Variants in NRP2 observed in about 807,000 individuals in gnomAD.
NRP2 encodes the protein neuropilin-2.
Under a neutral mutation model 110.4 loss-of-function variants are expected in NRP2, and 52 were observed. That is an observed-to-expected ratio of 0.47 (90% CI 0.38 to 0.59). The LOEUF is 0.59. NRP2 is among the 20% of genes least tolerant of loss of function. The pLI, the probability that NRP2 is intolerant of heterozygous loss-of-function variation, is 0.00. For synonymous variants in NRP2, 508 were observed against 468.9 expected (o/e 1.08, Z -1.08); for missense variants, 1,049 against 1,203.0 (o/e 0.87, Z 1.89).
chr2:205,768,592 T>C (rs560390072), intron 15 of NRP2: 1 of 152,374 alleles, frequency 6.6e-6, no homozygotes, highest in South Asian at 2.1e-4. Flanking sequence ...ACCATGAGGC[T>C]TCACAGGCCA....
chr2:205,728,288 G>A (rs1044770970), intron 7 of NRP2, among the ~76,000 whole-genome samples: 5 of 152,194 alleles, frequency 3.3e-5, no homozygotes, highest in Admixed American at 2.0e-4. Flanking sequence ...GAGAGAGCTT[G>A]CAGAGTGTTC....
intron 2 of NRP2, among the ~76,000 whole-genome samples, chr2:205,698,686 T>G (rs576222331): frequency 6.6e-6 from 1 of 152,322 alleles, no homozygotes; most frequent in Admixed American, 6.5e-5. Flanking sequence ...GGAAATAAAG[T>G]GAGAGTTTTT....
chr2:205,772,036 C>G (rs2058030746), intron 15 of NRP2, among the ~76,000 whole-genome samples: 1 of 152,236 alleles, frequency 6.6e-6, no homozygotes. Flanking sequence ...CACTTGCTAG[C>G]AGTGTACAGT....
At chr2:205,748,138 T>A (rs536712209) in intron 10 of NRP2, among the ~76,000 whole-genome samples, 2 of 152,274 alleles carry the variant, frequency 1.3e-5, no homozygotes, top group East Asian at 3.9e-4. Flanking sequence ...CCCCTGGGTT[T>A]AACATTCTTT....
Position 205,682,731 on chromosome 2 carries a change from G to T in NRP2, c.-560G>T, listed in dbSNP as rs1002431260. 7 of 158,994 alleles carry T rather than the reference G, an allele frequency of 4.4e-5. No individual in the cohort carries two copies. The East Asian group carries it at 1.3e-3, about 30-fold the overall frequency. The allele number at this position is 158,994 out of a possible 1,614,324, so 9.8% of individuals were successfully genotyped here. On this transcript the variant is annotated 5_prime_UTR_variant, in exon 1 of 17. Transcript: ENST00000357785. The surrounding 1 kb of genome is among the most constrained non-coding windows in gnomAD (Gnocchi z 4.3). ...GCTGGCCAAGCGGGTGTAGCCGTTGGGGGAGGCTCCCGCCGGGGGAACCCG... is the reference window on the plus strand; with the variant it reads ...GCTGGCCAAGCGGGTGTAGCCGTTGTGGGAGGCTCCCGCCGGGGGAACCCG...
intron 11 of NRP2, among the ~76,000 whole-genome samples, chr2:205,751,273 G>T (rs1212457862): frequency 6.6e-6 from 1 of 152,052 alleles, no homozygotes. Flanking sequence ...TTTTTAATAT[G>T]ATTTTCCCGT....
intron 7 of NRP2, among the ~76,000 whole-genome samples, chr2:205,735,365 T>C (rs13415768): frequency 0.03 from 4,502 of 151,834 alleles, 154 homozygotes; most frequent in African/African-American, 0.081. Context: ...TGACTGTGAC[T>C]AGAAATGGGG....
At chr2:205,787,587 CAG>C (rs2105968348) in intron 15 of NRP2, among the ~76,000 whole-genome samples, 1 of 152,190 alleles carries the variant, frequency 6.6e-6, no homozygotes. Context: ...TGTGTAGACA[CAG>C]AGCGAAGGCT....
In NRP2 at chr2:205,795,196, A is replaced by T; in HGVS notation, c.*138A>T. 1.1e-6 allele frequency: 1 copy of T among 918,916 alleles called. No individual in the cohort carries two copies. The highest frequency in any genetic ancestry group is 1.7e-6 in the Non-Finnish European group (1 of 586,516). 56.9% of individuals were successfully genotyped at this position (918,916 alleles called of 1,614,324 possible). On this transcript the variant is annotated 3_prime_UTR_variant, in exon 17 of 17. Coordinates refer to ENST00000357785, the MANE Select transcript of NRP2 (RefSeq NM_003872.3). ...AGAATACCGAAGGTATGGACAGGAC[A>T]GAAAAGCGAGTCGCAGGAGGAAGGG...
In NRP2 at chr2:205,723,882, G is replaced by A. The variant is rs772945520; in HGVS notation, c.762G>A (p.Ala254=). The A allele has an allele frequency of 6.0e-5, 97 of 1,614,062 alleles. No individual in the cohort carries two copies. The highest frequency in any genetic ancestry group is 8.3e-5 in the Admixed American group (5 of 60,006). ...ILSLTFHTDM[A]VAKDGFSARY... is the part of the protein sequence containing the mutation. ...CCCTGACCTTTCACACGGACATGGC[G>A]GTGGCCAAGGATGGCTTCTCTGCGC... The change falls in exon 5 of 17, where the codon GCG becomes GCA. Residue 254 remains alanine (A), a synonymous_variant. Coordinates refer to ENST00000357785, the MANE Select transcript of NRP2 (RefSeq NM_003872.3).
In NRP2 at chr2:205,789,537, T is replaced by A. The variant is rs148642449; in HGVS notation, c.2426-2698T>A. 1.6e-3 allele frequency among the ~76,000 whole-genome samples: 248 copies of A among 152,332 alleles called. 5 individuals are homozygous for A. The East Asian group carries it at 0.03, about 18-fold the overall frequency. ...CTGGTTCCTTTCTCCCACTCTCTCC[T>A]GATGTCTGCCCTGACTTCGGCAGCT... is the stretch of plus-strand genomic sequence containing the variant. On this transcript the variant is annotated intron_variant, in intron 15 of 16. Coordinates refer to ENST00000357785, the MANE Select transcript of NRP2 (RefSeq NM_003872.3).
intron 8 of NRP2, 68 bp downstream of exon 8, chr2:205,740,731 C>A: frequency 6.4e-7 from 1 of 1,571,352 alleles, no homozygotes; most frequent in South Asian, 1.1e-5. Context: ...TTTCAACTCT[C>A]TGCAAACAGC....
chr2:205,735,756 A>T (rs2057331221), intron 7 of NRP2, among the ~76,000 whole-genome samples: 1 of 152,074 alleles, frequency 6.6e-6, no homozygotes, highest in Non-Finnish European at 1.5e-5. Flanking sequence ...AACAAATCAG[A>T]GGTCTCAAGA....
At chr2:205,780,127 C>T (rs1414253875) in intron 15 of NRP2, among the ~76,000 whole-genome samples, 2 of 152,186 alleles carry the variant, frequency 1.3e-5, no homozygotes, top group Non-Finnish European at 2.9e-5. Context: ...TTTGAAGAAG[C>T]AGCAGTGACA....
chr2:205,753,048 C>T, intron 12 of NRP2, 73 bp downstream of exon 12: 1 of 1,584,626 alleles, frequency 6.3e-7, no homozygotes. Context: ...CCCAGATTCC[C>T]TTACAAGCTT....
chr2:205,735,306 ACT>A (rs1344857412), intron 7 of NRP2, among the ~76,000 whole-genome samples: 1 of 152,104 alleles, frequency 6.6e-6, no homozygotes, highest in Non-Finnish European at 1.5e-5. Flanking sequence ...TATGTCAGTC[ACT>A]GCATATTCTT....
intron 7 of NRP2, among the ~76,000 whole-genome samples, chr2:205,738,362 G>A (rs1449218129): frequency 6.6e-6 from 1 of 152,192 alleles, no homozygotes; most frequent in African/African-American, 2.4e-5. Context: ...GCAAAGTGCT[G>A]CATTTGCTTC....
chr2:205,758,159 A>G (rs1575639332), intron 12 of NRP2, among the ~76,000 whole-genome samples: 1 of 152,366 alleles, frequency 6.6e-6, no homozygotes, highest in East Asian at 1.9e-4. Context: ...TGCTAATTTG[A>G]GGACCTTAGC....
At chr2:205,745,498 A>C (rs1326106224) in intron 9 of NRP2, among the ~76,000 whole-genome samples, 1 of 152,204 alleles carries the variant, frequency 6.6e-6, no homozygotes, top group East Asian at 1.9e-4. Flanking sequence ...ACAACCTGGA[A>C]ATTGCCACCT....
Sources: gnomAD v4.1 joint callset for allele counts (sites outside exome capture counted in the v4.1 genomes callset) on GRCh38, gnomAD v4.1.1 for gene constraint, Gnocchi (gnomAD v3.1) non-coding constraint, MANE v1.5 for transcripts, NCBI Gene and HGNC (gene_info 2026-07-23, HGNC 2026-07-21) for gene names.